TTLL10: variants seen among roughly 807,000 people sequenced by gnomAD.
The protein encoded by TTLL10 is tubulin tyrosine ligase like 10, also known as inactive polyglycylase TTLL10.
In TTLL10, 61 loss-of-function variants were observed where a neutral mutation model predicts 69.0. The observed-to-expected ratio is 0.88, with a 90% CI of 0.72 to 1.09. The LOEUF is 1.09. TTLL10 is among the 50% of genes least tolerant of loss of function. The pLI, the probability that TTLL10 is intolerant of heterozygous loss-of-function variation, is 0.00. For missense variants in TTLL10, 962 were observed against 945.9 expected, an observed-to-expected ratio of 1.02 and a Z score of -0.22; for synonymous variants, 408 against 393.3, an observed-to-expected ratio of 1.04 and a Z score of -0.44.
rs939918194 is a variant in TTLL10, at chr1:1,180,054, A to G, written c.220A>G (p.Met74Val). 26 of 1,579,800 alleles carry G rather than the reference A, an allele frequency of 1.6e-5. 1 individual carries two copies. Among genetic ancestry groups the G allele is most frequent in the South Asian group, 2.3e-5 (2 of 85,142 alleles). ...CPVGPAHERPMGSSQEEGLRC... is the reference protein window; with the variant it reads ...CPVGPAHERPVGSSQEEGLRC... ...CACAGGCCCGGCCCACGAGAGGCCA[A>G]TGGGGAGCAGCCAGGAGGAGGGACT... is the stretch of plus-strand genomic sequence containing the variant. The change falls in exon 6 of 16, where the codon ATG becomes GTG. Residue 74 changes from methionine (M) to valine (V), a missense_variant. Coordinates refer to ENST00000379289, the MANE Select transcript of TTLL10 (RefSeq NM_001130045.2).
intron 3 of TTLL10, among the ~76,000 whole-genome samples, chr1:1,176,946 A>G (rs917222397): frequency 7.2e-5 from 11 of 151,876 alleles, no homozygotes; most frequent in Non-Finnish European, 1.5e-5. Context: ...AGCCTTTTCC[A>G]GGCTGGTTTG....
chr1:1,176,431 C>T (rs747713567), intron 3 of TTLL10: 83 of 454,622 alleles, frequency 1.8e-4, no homozygotes, highest in Middle Eastern at 6.1e-4. Context: ...GCTGCAAGCT[C>T]ACAGCTGCTG....
chr1:1,189,368 AGT>A (rs906186776), intron 13 of TTLL10, among the ~76,000 whole-genome samples: 3 of 152,182 alleles, frequency 2.0e-5, no homozygotes, highest in African/African-American at 7.2e-5. Context: ...CACTGAGATG[AGT>A]GTGTCTTATT....
At chr1:1,191,240 AT>A (rs376958444) in intron 13 of TTLL10, among the ~76,000 whole-genome samples, 357 of 152,252 alleles carry the variant, frequency 2.3e-3, no homozygotes, top group African/African-American at 7.6e-3. Flanking sequence ...TTGACTTCTA[AT>A]TTCATTCCAT....
At chr1:1,191,310 G>A (rs187671252) in intron 13 of TTLL10, among the ~76,000 whole-genome samples, 33 of 151,944 alleles carry the variant, frequency 2.2e-4, no homozygotes, top group African/African-American at 7.0e-4. Context: ...AAAATTATTG[G>A]AGCTGGTGTG....
chr1:1,196,994 A>G, intron 14 of TTLL10, 99 bp from the exon 15 acceptor site: 1 of 1,170,836 alleles, frequency 8.5e-7, no homozygotes, highest in Non-Finnish European at 1.2e-6. Flanking sequence ...GAAGGAAGCA[A>G]TCTCCCAGAG....
chr1:1,184,060 C>T lies in TTLL10; in HGVS notation c.1229C>T (p.Ser410Phe). The T allele has an allele frequency of 6.2e-7, 1 of 1,614,224 alleles. No individual in the cohort carries two copies. The highest frequency in any genetic ancestry group is 2.2e-5 in the East Asian group (1 of 44,890). The change falls in exon 12 of 16, where the codon TCC (serine) becomes TTC (phenylalanine). Residue 410 changes from serine to phenylalanine, a missense_variant. Transcript: ENST00000379289. ...ACCCTTAGCCTTTACGACCCCCATT[C>T]CAGCGACCTCGGCGGCCACTTGACC... ...RLTLSLYDPH[S>F]SDLGGHLTNQ...
Position 1,179,750 on chromosome 1 carries a change from G to A in TTLL10, c.199+13G>A, listed in dbSNP as rs962743865. 19 of 1,542,860 alleles carry A rather than the reference G, an allele frequency of 1.2e-5. No homozygotes were observed. Among genetic ancestry groups the A allele is most frequent in the African/African-American group, 1.1e-4 (8 of 72,906 alleles). The stretch of plus-strand genomic sequence containing the variant: ...CACTGCCCTGTTGGTGAGGAGGGTC[G>A]GAGGGGCGACCTCCCTGCCCCCTGC... On this transcript the variant is annotated intron_variant, in intron 5 of 15. Transcript: ENST00000379289.
Position 1,182,983 on chromosome 1 carries a change from A to G in TTLL10, c.1024A>G (p.Met342Val). 1.9e-6 allele frequency: 3 copies of G among 1,609,458 alleles called. No individual in the cohort carries two copies. Among genetic ancestry groups the G allele is most frequent in the South Asian group, 1.1e-5 (1 of 90,230 alleles). Residue 342 changes from methionine (M) to valine (V), a missense_variant, in exon 11 of 16, where the codon ATG becomes GTG. By Grantham distance (21) the Met-to-Val change is conservative. Transcript: ENST00000379289. Reference protein sequence around the residue: ...VAALQAKTRSMEDDPIHHKTP... With the variant: ...VAALQAKTRSVEDDPIHHKTP... Reference sequence around the variant, plus strand: ...CGCCCTGCAGGCCAAGACCCGGAGCATGGAGGACGACCCCATCCACCACAA... The same window carrying G: ...CGCCCTGCAGGCCAAGACCCGGAGCGTGGAGGACGACCCCATCCACCACAA...
At chr1:1,193,854 G>GT (rs1648015584) in intron 13 of TTLL10, among the ~76,000 whole-genome samples, 1 of 152,082 alleles carries the variant, frequency 6.6e-6, no homozygotes, top group African/African-American at 2.4e-5. Flanking sequence ...CATTAATATT[G>GT]TATCTTAATT....
Position 1,197,765 on chromosome 1 carries a change from C to T in TTLL10, c.1940C>T (p.Thr647Ile). 6.5e-7 allele frequency: 1 copy of T among 1,535,282 alleles called. No individual in the cohort carries two copies. The highest frequency in any genetic ancestry group is 8.8e-7 in the Non-Finnish European group (1 of 1,142,430). The change falls in exon 16 of 16, where the codon ACA (threonine) becomes ATA (isoleucine). Residue 647 changes from threonine to isoleucine, a missense_variant. Physicochemically the swap from Thr to Ile is moderately conservative, Grantham distance 89. Coordinates refer to ENST00000379289, the MANE Select transcript of TTLL10 (RefSeq NM_001130045.2). ...GCCCCGGGCACGGAGCAGTCGGGCA[C>T]AGGCAACAGGCACCCGGCGCAAGAG... is the stretch of plus-strand genomic sequence containing the variant. ...PQAPGTEQSGTGNRHPAQEPS... is the reference protein window; with the variant it reads ...PQAPGTEQSGIGNRHPAQEPS...
rs181467899 is a variant in TTLL10, at chr1:1,182,763, T to C, written c.917-113T>C. ...CGTGTGGTTAGCGCAGGGCCAAGGT[T>C]GGAATGGCCGGGCCGAGGGTCGCAG... On this transcript the variant is annotated intron_variant, in intron 10 of 15. Transcript: ENST00000379289. 8.9e-4 allele frequency: 1,253 copies of C among 1,405,320 alleles called. 12 individuals carry two copies. In the African/African-American group the frequency reaches 0.016, roughly 18 times the overall value. 87.1% of individuals were successfully genotyped at this position (1,405,320 alleles called of 1,614,324 possible). A position where few individuals can be genotyped will look rare whatever the true frequency, so the allele number is the denominator to read the frequency against.
chr1:1,194,557 C>A (rs1356018412), intron 13 of TTLL10, among the ~76,000 whole-genome samples: 1 of 152,174 alleles, frequency 6.6e-6, no homozygotes, highest in African/African-American at 2.4e-5. Context: ...CTTAATCTCC[C>A]CTTCATTTTT....
intron 13 of TTLL10, among the ~76,000 whole-genome samples, chr1:1,188,334 C>T (rs368721176): frequency 2.0e-5 from 3 of 151,898 alleles, no homozygotes. Flanking sequence ...TTCAGGGGCC[C>T]CTTACAATTC....
intron 10 of TTLL10, 126 bp from the exon 11 acceptor site, chr1:1,182,750 G>C: frequency 7.5e-7 from 1 of 1,338,034 alleles, no homozygotes; most frequent in South Asian, 1.5e-5. Flanking sequence ...TGTGGTTAGC[G>C]CAGGGCCAAG....
rs1183584872 is a variant in TTLL10 at position 1,185,355 on chromosome 1, G to A, written c.1401+246G>A. ...GGGGGTCTGTCGGCACGAGTCCCGC[G>A]GGCAGCCTCGCCGTAGGGTCAGGGG... On this transcript the variant is annotated intron_variant, in intron 13 of 15. Transcript: ENST00000379289. This position sits in a 1 kb window ranked among gnomAD's most constrained non-coding sequence, Gnocchi z 6.1. 32 of 1,354,602 alleles carry A rather than the reference G, an allele frequency of 2.4e-5. No individual in the cohort carries two copies. Among genetic ancestry groups the A allele is most frequent in the South Asian group, 7.5e-5 (4 of 53,324 alleles). 83.9% of individuals were successfully genotyped at this position (1,354,602 alleles called of 1,614,324 possible). A position where few individuals can be genotyped will look rare whatever the true frequency, so the allele number is the denominator to read the frequency against.
At position 1,180,105 on chromosome 1, in the gene TTLL10, C is replaced by T; in HGVS notation, c.271C>T (p.His91Tyr). The change falls in exon 6 of 16, where the codon CAC (histidine) becomes TAC (tyrosine). Residue 91 changes from histidine to tyrosine, a missense_variant. His to Tyr is a moderately conservative substitution (Grantham distance 83). Coordinates refer to ENST00000379289, the MANE Select transcript of TTLL10 (RefSeq NM_001130045.2). ...GLRCQPSQPDHDADGHCGPDL... is the reference protein window; with the variant it reads ...GLRCQPSQPDYDADGHCGPDL... ...CCGGTGTCAGCCAAGCCAGCCAGAC[C>T]ACGACGCAGATGGACACTGTGGGCC... 1 of 1,611,034 alleles carries T rather than the reference C, an allele frequency of 6.2e-7. No homozygotes were observed. The highest frequency in any genetic ancestry group is 8.5e-7 in the Non-Finnish European group (1 of 1,179,024).
chr1:1,179,808 G>T, intron 5 of TTLL10, 71 bp downstream of exon 5: 2 of 1,476,808 alleles, frequency 1.4e-6, no homozygotes, highest in Non-Finnish European at 1.8e-6. Flanking sequence ...GGAACCTGCC[G>T]GCAGGAAGCC....
At position 1,185,546 on chromosome 1, in the gene TTLL10, A is replaced by C; in HGVS notation, c.1401+437A>C. Reference sequence around the variant, plus strand: ...CCTAGCTAAGGGCCATGTGCGGTGGAGTGTCCTAATTTTGCAGGGTTCCTT... The same window carrying C: ...CCTAGCTAAGGGCCATGTGCGGTGGCGTGTCCTAATTTTGCAGGGTTCCTT... On this transcript the variant is annotated intron_variant, in intron 13 of 15. Transcript: ENST00000379289. This position sits in a 1 kb window ranked among gnomAD's most constrained non-coding sequence, Gnocchi z 6.1. 4.0e-6 allele frequency: 4 copies of C among 1,003,600 alleles called. No individual in the cohort carries two copies. The highest frequency in any genetic ancestry group is 4.7e-6 in the Non-Finnish European group (4 of 842,592). The allele number at this position is 1,003,600 out of a possible 1,614,324, so 62.2% of individuals were successfully genotyped here.
Sources: allele counts gnomAD v4.1 joint callset (sites outside exome capture counted in the v4.1 genomes callset), GRCh38; gene constraint gnomAD v4.1.1; non-coding constraint Gnocchi (gnomAD v3.1); transcripts MANE v1.5; gene names NCBI Gene and HGNC (gene_info 2026-07-23, HGNC 2026-07-21).